The following COG7 variants were observed in gnomAD, a reference collection of about 807,000 sequenced individuals.
The protein encoded by COG7 is conserved oligomeric Golgi complex subunit 7.
Under a neutral mutation model 91.5 loss-of-function variants are expected in COG7, and 49 were observed. That is an observed-to-expected ratio of 0.54 (90% confidence interval 0.43 to 0.68). COG7 has a LOEUF of 0.68. COG7 is among the 30% of genes least tolerant of loss of function. The pLI, the probability that COG7 is intolerant of heterozygous loss-of-function variation, is 0.00. For synonymous variants in COG7, 365 were observed against 388.7 expected, an observed-to-expected ratio of 0.94 and a Z score of 0.72; for missense variants, 895 against 961.3, an observed-to-expected ratio of 0.93 and a Z score of 0.91.
chr16:23,453,171 G>A lies in COG7; in HGVS notation c.-177C>T, dbSNP rs1964295872. 1 of 1,401,298 alleles carries A rather than the reference G, an allele frequency of 7.1e-7. No homozygotes were observed. Among genetic ancestry groups the A allele is most frequent in the East Asian group, 2.5e-5 (1 of 39,262 alleles). The allele number at this position is 1,401,298 out of a possible 1,614,324, so 86.8% of individuals were successfully genotyped here. A position where few individuals can be genotyped will look rare whatever the true frequency, so the allele number is the denominator to read the frequency against. ...CTTCCCCGCTCAGCGCACTCAGTTT[G>A]CGGCTGGGAATGACCCTCGCCGCCC... On this transcript the variant is annotated 5_prime_UTR_variant, in exon 1 of 17. Transcript: ENST00000307149.
chr16:23,425,014 A>G, intron 6 of COG7, 67 bp from the exon 7 acceptor site: 1 of 1,456,412 alleles, frequency 6.9e-7, no homozygotes, highest in African/African-American at 1.4e-5. Context: ...CTTTTTTAAA[A>G]AACTTTTTTG....
chr16:23,434,298 G>C (rs1388950516), intron 5 of COG7, among the ~76,000 whole-genome samples: 1 of 152,100 alleles, frequency 6.6e-6, no homozygotes, highest in African/African-American at 2.4e-5. Context: ...AAGAAAAAAA[G>C]AGAAATTCTT....
intron 1 of COG7, among the ~76,000 whole-genome samples, chr16:23,450,327 C>T (rs1204482900): frequency 6.6e-6 from 1 of 152,106 alleles, no homozygotes; most frequent in African/African-American, 2.4e-5. Flanking sequence ...CTTTATGATT[C>T]TCCTAAACAA....
At chr16:23,404,777 A>G (rs1367195724) in intron 12 of COG7, among the ~76,000 whole-genome samples, 1 of 152,238 alleles carries the variant, frequency 6.6e-6, no homozygotes, top group African/African-American at 2.4e-5. Flanking sequence ...AAAATTAGCC[A>G]GGTGTGGTGG....
At chr16:23,436,176 CACA>C (rs1455524340) in intron 4 of COG7, among the ~76,000 whole-genome samples, 1 of 152,164 alleles carries the variant, frequency 6.6e-6, no homozygotes, top group East Asian at 1.9e-4. Flanking sequence ...GAACTGTGAT[CACA>C]TCACTGCACT....
chr16:23,415,856 T>C (rs1353515016), intron 9 of COG7: 1 of 152,130 alleles, frequency 6.6e-6, no homozygotes, highest in Non-Finnish European at 1.5e-5. Context: ...TACTGAACAA[T>C]GTGCCATTTG....
rs189381777 is a variant in COG7, at chr16:23,436,621, G to A, written c.605-1903C>T. ...GTGGTGGTGCATGCCTGTAATCCCA[G>A]CTACTCCAGAAGCTGAGGCGCTTGA... On this transcript the variant is annotated intron_variant, in intron 4 of 16. Coordinates refer to ENST00000307149, the MANE Select transcript of COG7 (RefSeq NM_153603.4). Among the ~76,000 whole-genome samples the A allele has an allele frequency of 1.2e-3, 186 of 152,098 alleles. 1 individual carries two copies. Among genetic ancestry groups the A allele is most frequent in the Admixed American group, 2.3e-3 (35 of 15,274 alleles).
chr16:23,424,577 A>T (rs1299939427), intron 7 of COG7, among the ~76,000 whole-genome samples, 172 bp downstream of exon 7: 6 of 152,188 alleles, frequency 3.9e-5, no homozygotes, highest in Non-Finnish European at 8.8e-5. Flanking sequence ...TATTTCCTTG[A>T]TGGCAATGTT....
At chr16:23,409,780 T>G (rs926842978) in intron 11 of COG7, among the ~76,000 whole-genome samples, 1 of 151,340 alleles carries the variant, frequency 6.6e-6, no homozygotes. Flanking sequence ...AGGAAGGGAG[T>G]AGGACAAGCT....
At chr16:23,392,549 G>A (rs766264278) in intron 15 of COG7, 26 bp from the exon 16 acceptor site, 2 of 1,614,112 alleles carry the variant, frequency 1.2e-6, no homozygotes, top group African/African-American at 2.7e-5. Flanking sequence ...GGTCACCAAG[G>A]AAAACACAGG....
intron 12 of COG7, among the ~76,000 whole-genome samples, chr16:23,405,683 A>T (rs1963449567): frequency 1.3e-5 from 2 of 151,746 alleles, no homozygotes; most frequent in South Asian, 4.2e-4. Context: ...CACCTGGCTA[A>T]TTTTTGTATT....
chr16:23,418,055 C>G (rs1812650303), intron 8 of COG7, among the ~76,000 whole-genome samples: 1 of 152,222 alleles, frequency 6.6e-6, no homozygotes, highest in African/African-American at 2.4e-5. Context: ...GCCCCTGCAG[C>G]ATTGCCCATG....
intron 6 of COG7, among the ~76,000 whole-genome samples, chr16:23,426,834 A>AAAAAAAAAAGAAAG (rs1555495229): frequency 6.8e-6 from 1 of 146,060 alleles, no homozygotes; most frequent in African/African-American, 2.6e-5. Context: ...AAAAAAAAAA[A>AAAAAAAAAAGAAAG]AAAGAAAGAA....
chr16:23,401,051 T>C (rs1963368765), intron 13 of COG7, among the ~76,000 whole-genome samples: 1 of 152,156 alleles, frequency 6.6e-6, no homozygotes. Context: ...TTTTTAATTG[T>C]TCAAAATTTA....
intron 12 of COG7, 66 bp downstream of exon 12, chr16:23,406,010 A>G (rs1172538221): frequency 1.4e-6 from 2 of 1,451,130 alleles, no homozygotes; most frequent in African/African-American, 2.8e-5. Context: ...TAACCCAGAG[A>G]GGGAGAGGGT....
At chr16:23,412,653 A>G (rs561646762) in intron 10 of COG7, 2 of 152,278 alleles carry the variant, frequency 1.3e-5, no homozygotes, top group South Asian at 2.1e-4. Flanking sequence ...GGCCCTCAAC[A>G]ACGACTTGAG....
intron 11 of COG7, among the ~76,000 whole-genome samples, chr16:23,409,094 CATGTGTGTGTGTGTGTGTGTGT>C (rs1963519906): frequency 1.1e-5 from 1 of 90,184 alleles, no homozygotes; most frequent in Non-Finnish European, 2.2e-5. Context: ...TGTGTGCGTG[CATGTGTGTGTGTGTGTGTGTGT>C]ATGTGGCAGG....
chr16:23,448,821 T>A (rs1964220764), intron 1 of COG7, among the ~76,000 whole-genome samples: 1 of 152,204 alleles, frequency 6.6e-6, no homozygotes, highest in Non-Finnish European at 1.5e-5. Flanking sequence ...GTTACTTAAC[T>A]TCTCTCAACC....
At chr16:23,407,140 T>C (rs889996134) in intron 11 of COG7, among the ~76,000 whole-genome samples, 1 of 152,230 alleles carries the variant, frequency 6.6e-6, no homozygotes, top group Non-Finnish European at 1.5e-5. Flanking sequence ...AAACAGATCC[T>C]TGAGTTGTTC....
Sources: allele counts gnomAD v4.1 joint callset (sites outside exome capture counted in the v4.1 genomes callset), GRCh38; gene constraint gnomAD v4.1.1; transcripts MANE v1.5; gene names NCBI Gene and HGNC (gene_info 2026-07-23, HGNC 2026-07-21).